ZNF503: variants seen among roughly 807,000 people sequenced by gnomAD.
ZNF503 encodes the protein zinc finger protein 503.
Under a neutral mutation model 34.4 loss-of-function variants are expected in ZNF503, and 15 were observed. The observed-to-expected ratio is 0.44, with a 90% CI of 0.29 to 0.67. ZNF503 has a LOEUF of 0.67. ZNF503 is among the 30% of genes least tolerant of loss of function. The pLI is 0.13. For synonymous variants in ZNF503, 580 were observed against 456.8 expected (o/e 1.27, Z -3.44); for missense variants, 1,007 against 926.8 (o/e 1.09, Z -1.12).
At chr10:75,302,013 C>T in the ZNF503 span, among the ~76,000 whole-genome samples, 21 of 152,266 alleles carry the variant, frequency 1.4e-4, no homozygotes, top group Admixed American at 6.5e-5. Flanking sequence ...TCTGTTTAGC[C>T]TAAAGGACTT....
the ZNF503 span, among the ~76,000 whole-genome samples, chr10:75,342,801 GCC>G: frequency 6.6e-6 from 1 of 152,122 alleles, no homozygotes; most frequent in African/African-American, 2.4e-5. Flanking sequence ...TGGGACTTCT[GCC>G]TAGACCATAA....
chr10:75,401,081 G>T, intron 1 of ZNF503, 24 bp downstream of exon 1: 2 of 1,613,630 alleles, frequency 1.2e-6, no homozygotes, highest in Non-Finnish European at 1.7e-6. Flanking sequence ...TGGTCCCAGT[G>T]CGATCCAGAG....
the ZNF503 span, among the ~76,000 whole-genome samples, chr10:75,338,688 A>G: frequency 1.3e-5 from 2 of 152,142 alleles, no homozygotes; most frequent in South Asian, 4.1e-4. Flanking sequence ...GAGATCTGGA[A>G]CTTTCTGGAG....
chr10:75,401,071 TG>T (rs751552528), intron 1 of ZNF503, 33 bp downstream of exon 1: 88 of 1,613,214 alleles, frequency 5.5e-5, no homozygotes, highest in Non-Finnish European at 6.9e-5. Context: ...GCCAGGGTAG[TG>T]GTCCCAGTGC....
chr10:75,353,617 T>C, the ZNF503 span, among the ~76,000 whole-genome samples: 2 of 152,088 alleles, frequency 1.3e-5, no homozygotes, highest in East Asian at 1.9e-4. Context: ...ACCAGTCCCA[T>C]CCTTTGCAGT....
the ZNF503 span, among the ~76,000 whole-genome samples, chr10:75,348,645 G>T: frequency 6.6e-6 from 1 of 151,018 alleles, no homozygotes; most frequent in Non-Finnish European, 1.5e-5. Flanking sequence ...CCCAGCAGCT[G>T]GGACTACAGG....
the ZNF503 span, among the ~76,000 whole-genome samples, chr10:75,359,986 T>C: frequency 6.6e-6 from 1 of 152,044 alleles, no homozygotes. Flanking sequence ...GTGTGTTTAT[T>C]ACCCAGGCCC....
At chr10:75,351,228 A>G in the ZNF503 span, among the ~76,000 whole-genome samples, 1 of 151,778 alleles carries the variant, frequency 6.6e-6, no homozygotes, top group Non-Finnish European at 1.5e-5. Context: ...GGTGGAGTGC[A>G]ATGGCGTGAT....
chr10:75,300,704 C>CTTTCTTTT, the ZNF503 span, among the ~76,000 whole-genome samples: 15 of 108,734 alleles, frequency 1.4e-4, no homozygotes, highest in African/African-American at 4.5e-4. Flanking sequence ...TTCTTTCTTT[C>CTTTCTTTT]TTTTTTTTTT....
At chr10:75,396,426 C>T (rs567956389), downstream of ZNF503, among the ~76,000 whole-genome samples, 13 of 152,240 alleles carry the variant, frequency 8.5e-5, no homozygotes, top group African/African-American at 3.1e-4. This position sits in a 1 kb window ranked among gnomAD's most constrained non-coding sequence, Gnocchi z 4.4. Context: ...CCGCAGTGTC[C>T]GGGAGGTCGC....
chr10:75,379,517 A>C, the ZNF503 span, among the ~76,000 whole-genome samples: 1 of 152,356 alleles, frequency 6.6e-6, no homozygotes, highest in African/African-American at 2.4e-5. Context: ...AATGTCCCAC[A>C]TTCCATGTCA....
the ZNF503 span, among the ~76,000 whole-genome samples, chr10:75,376,050 T>C: frequency 6.6e-6 from 1 of 152,196 alleles, no homozygotes; most frequent in Non-Finnish European, 1.5e-5. Flanking sequence ...ATCTCTAGCC[T>C]CCAGAATACA....
chr10:75,393,855 T>A (rs547718118), downstream of ZNF503, among the ~76,000 whole-genome samples: 1 of 151,386 alleles, frequency 6.6e-6, no homozygotes, highest in African/African-American at 2.4e-5. Context: ...CGAGACTCTG[T>A]CTCAAAAAAA....
the ZNF503 span, chr10:75,360,819 C>T: frequency 6.6e-6 from 1 of 152,090 alleles, no homozygotes; most frequent in African/African-American, 2.4e-5. Flanking sequence ...GCTCAGAATC[C>T]ATTTGGGTCA....
At position 75,398,984 on chromosome 10, in the gene ZNF503, A is replaced by G. The variant is rs373720425; in HGVS notation, c.1706T>C (p.Met569Thr). The G allele has an allele frequency of 3.1e-6, 5 of 1,605,762 alleles. No individual in the cohort carries two copies. Among genetic ancestry groups the G allele is most frequent in the Non-Finnish European group, 4.2e-6 (5 of 1,179,226 alleles). The change falls in exon 2 of 2, where the codon ATG becomes ACG. Residue 569 changes from methionine (M) to threonine (T), a missense_variant. Coordinates refer to ENST00000372524, the MANE Select transcript of ZNF503 (RefSeq NM_032772.6). ...GGTGGGGATGTGCATGTGGCAAGCC[A>G]TGGCGGCCGCGGCAGCGCTGGCCAG... is the stretch of plus-strand genomic sequence containing the variant. ...SSLASAAAAA[M>T]ACHMHIPTSG...
chr10:75,323,194 G>A, the ZNF503 span, among the ~76,000 whole-genome samples: 3 of 152,154 alleles, frequency 2.0e-5, no homozygotes, highest in Non-Finnish European at 4.4e-5. Context: ...TGTATGAATC[G>A]ATAGTTTGTT....
chr10:75,365,188 G>A, the ZNF503 span, among the ~76,000 whole-genome samples: 10 of 152,164 alleles, frequency 6.6e-5, no homozygotes, highest in South Asian at 4.1e-4. Context: ...TCGCTCTGTC[G>A]TCCAGGCTGG....
At chr10:75,294,381 C>T in the ZNF503 span, among the ~76,000 whole-genome samples, 1 of 152,204 alleles carries the variant, frequency 6.6e-6, no homozygotes, top group Non-Finnish European at 1.5e-5. Flanking sequence ...AAGAAGAGGG[C>T]GGACGGGGTT....
At chr10:75,296,838 G>A in the ZNF503 span, among the ~76,000 whole-genome samples, 5 of 152,122 alleles carry the variant, frequency 3.3e-5, no homozygotes, top group South Asian at 1.0e-3. Context: ...ACCAACAGAG[G>A]AGATGGCCCA....
Sources: allele counts gnomAD v4.1 joint callset (sites outside exome capture counted in the v4.1 genomes callset), GRCh38; gene constraint gnomAD v4.1.1; non-coding constraint Gnocchi (gnomAD v3.1); transcripts MANE v1.5; gene names NCBI Gene and HGNC (gene_info 2026-07-23, HGNC 2026-07-21).